Variants in AUTS2 observed in about 807,000 individuals in gnomAD.
AUTS2 encodes the protein activator of transcription and developmental regulator AUTS2, also known as autism susceptibility gene 2 protein.
In AUTS2, 17 loss-of-function variants were observed where a neutral mutation model predicts 112.4. The ratio of observed to expected loss-of-function variants is 0.15; its 90% confidence interval spans 0.10 to 0.23. AUTS2 has a LOEUF of 0.23. AUTS2 is among the 10% of genes least tolerant of loss of function. The pLI, the probability that AUTS2 is intolerant of heterozygous loss-of-function variation, is 1.00. For synonymous variants in AUTS2, 751 were observed against 702.7 expected (o/e 1.07, Z -1.09); for missense variants, 1,510 against 1,701.6 (o/e 0.89, Z 1.98).
intron 1 of AUTS2, among the ~76,000 whole-genome samples, chr7:69,898,299 T>C (rs1340206863): frequency 6.6e-6 from 1 of 152,216 alleles, no homozygotes; most frequent in African/African-American, 2.4e-5. Flanking sequence ...GAGGATTAGA[T>C]CCACTAGTTT....
intron 4 of AUTS2, among the ~76,000 whole-genome samples, chr7:70,231,383 A>G (rs1446490374): frequency 6.6e-6 from 1 of 151,994 alleles, no homozygotes. Flanking sequence ...CCCAGAGTTA[A>G]CCACTGTCCT....
intron 1 of AUTS2, among the ~76,000 whole-genome samples, chr7:69,774,993 C>T (rs1005338509): frequency 2.0e-5 from 3 of 152,164 alleles, no homozygotes; most frequent in African/African-American, 7.2e-5. Flanking sequence ...CAGATAACTA[C>T]TTGCAGAATA....
intron 1 of AUTS2, among the ~76,000 whole-genome samples, chr7:69,838,821 G>A (rs1791840486): frequency 6.6e-6 from 1 of 152,112 alleles, no homozygotes; most frequent in Admixed American, 6.6e-5. Flanking sequence ...TTCTGAGAAA[G>A]CCACATGGAG....
chr7:70,360,678 C>T (rs978106184), intron 4 of AUTS2, among the ~76,000 whole-genome samples: 1 of 152,094 alleles, frequency 6.6e-6, no homozygotes, highest in Non-Finnish European at 1.5e-5. Flanking sequence ...TTCCTTACAC[C>T]ACTGATTTCT....
At chr7:70,355,012 GTA>G (rs1270845291) in intron 4 of AUTS2, among the ~76,000 whole-genome samples, 1 of 150,252 alleles carries the variant, frequency 6.7e-6, no homozygotes, top group African/African-American at 2.5e-5. Flanking sequence ...GTGTGTGTAT[GTA>G]TGTGTGTGTG....
intron 6 of AUTS2, among the ~76,000 whole-genome samples, chr7:70,713,480 C>T (rs1348225825): frequency 6.6e-6 from 1 of 152,154 alleles, no homozygotes; most frequent in Non-Finnish European, 1.5e-5. Context: ...AAGTAAGTTA[C>T]CTAAATAGTA....
chr7:70,643,109 C>T (rs1325377042), intron 5 of AUTS2, among the ~76,000 whole-genome samples: 1 of 152,226 alleles, frequency 6.6e-6, no homozygotes, highest in Non-Finnish European at 1.5e-5. Flanking sequence ...AGTGATTCCT[C>T]AGCCTCCACA....
rs12669240 is a variant in AUTS2, at chr7:69,943,411, T to C, written c.522+43913T>C. Among the ~76,000 whole-genome samples, 7 of 152,338 alleles carry C rather than the reference T, an allele frequency of 4.6e-5. No homozygotes were observed. The East Asian group carries it at 1.2e-3, about 25-fold the overall frequency. On this transcript the variant is annotated intron_variant, in intron 2 of 18. Transcript: ENST00000342771. ...GCAGTATGGCAAAGCCTCAGAATTATTGCATAATTCATTTGATGAATTTAC... is the reference window on the plus strand; with the variant it reads ...GCAGTATGGCAAAGCCTCAGAATTACTGCATAATTCATTTGATGAATTTAC...
At chr7:70,338,331 G>A (rs1791088355) in intron 4 of AUTS2, among the ~76,000 whole-genome samples, 1 of 152,188 alleles carries the variant, frequency 6.6e-6, no homozygotes, top group Non-Finnish European at 1.5e-5. Flanking sequence ...TCATGTGAAT[G>A]CCTAATTACA....
At chr7:70,545,211 C>T (rs1800722578) in intron 5 of AUTS2, among the ~76,000 whole-genome samples, 1 of 152,192 alleles carries the variant, frequency 6.6e-6, no homozygotes, top group African/African-American at 2.4e-5. Context: ...AGCCACCCAG[C>T]CAGGGATGGT....
At chr7:70,470,960 G>T (rs1395268656) in intron 5 of AUTS2, among the ~76,000 whole-genome samples, 1 of 152,134 alleles carries the variant, frequency 6.6e-6, no homozygotes, top group Non-Finnish European at 1.5e-5. Context: ...GGGAAGGAAG[G>T]GCAGGCTGGA....
chr7:70,287,081 T>C (rs945725999), intron 4 of AUTS2, among the ~76,000 whole-genome samples: 2 of 152,246 alleles, frequency 1.3e-5, no homozygotes, highest in African/African-American at 4.8e-5. Context: ...ACTATGAATG[T>C]TGGTTGCCTT....
At chr7:70,630,444 C>G (rs1168692985) in intron 5 of AUTS2, among the ~76,000 whole-genome samples, 2 of 152,198 alleles carry the variant, frequency 1.3e-5, no homozygotes, top group African/African-American at 4.8e-5. Flanking sequence ...ATTGTGTTCT[C>G]GGCTCCCGTG....
intron 6 of AUTS2, among the ~76,000 whole-genome samples, chr7:70,702,336 CCCTT>C (rs2129547897): frequency 6.6e-6 from 1 of 152,278 alleles, no homozygotes; most frequent in Non-Finnish European, 1.5e-5. Context: ...GAATTGCTCT[CCCTT>C]CTTGGTTCAG....
At position 70,318,037 on chromosome 7, in the gene AUTS2, G is replaced by A. The variant is rs116033181; in HGVS notation, c.661-117715G>A. On this transcript the variant is annotated intron_variant, in intron 4 of 18. Transcript: ENST00000342771. ...AACCTGTGGTGTCGGTTGGATCATG[G>A]CTCTTATTCACTGCGGCGTTTTTAA... 2.2e-3 allele frequency among the ~76,000 whole-genome samples: 332 copies of A among 152,248 alleles called. 3 individuals carry two copies. The highest frequency in any genetic ancestry group is 7.7e-3 in the African/African-American group (318 of 41,550).
intron 1 of AUTS2, among the ~76,000 whole-genome samples, chr7:69,643,588 A>G (rs1039979388): frequency 6.6e-6 from 1 of 152,120 alleles, no homozygotes; most frequent in African/African-American, 2.4e-5. Context: ...CCAGATACTG[A>G]TGAGGGCAGG....
At chr7:70,245,142 G>GTATATATATATA (rs1225794976) in intron 4 of AUTS2, among the ~76,000 whole-genome samples, 17 of 72,228 alleles carry the variant, frequency 2.4e-4, no homozygotes, top group African/African-American at 8.8e-4. Flanking sequence ...AAGTGTGTGT[G>GTATATATATATA]TGTATATATA....
At chr7:70,578,198 C>A (rs953370375) in intron 5 of AUTS2, among the ~76,000 whole-genome samples, 3 of 152,150 alleles carry the variant, frequency 2.0e-5, no homozygotes, top group African/African-American at 7.2e-5. Context: ...CAGAAGATAT[C>A]CTAGAAAGTT....
At chr7:69,635,042 G>C (rs990163771) in intron 1 of AUTS2, among the ~76,000 whole-genome samples, 1 of 150,962 alleles carries the variant, frequency 6.6e-6, no homozygotes, top group Non-Finnish European at 1.5e-5. Flanking sequence ...CTTGGGTGCT[G>C]TTTACTTCAT....
Sources: allele counts gnomAD v4.1 joint callset (sites outside exome capture counted in the v4.1 genomes callset), GRCh38; gene constraint gnomAD v4.1.1; transcripts MANE v1.5; gene names NCBI Gene and HGNC (gene_info 2026-07-23, HGNC 2026-07-21).